MCM2: variants seen among roughly 807,000 people sequenced by gnomAD.
MCM2 encodes the protein DNA replication licensing factor MCM2.
A neutral mutation model predicts 86.4 loss-of-function variants in MCM2; 49 were observed. The ratio of observed to expected loss-of-function variants is 0.57; its 90% CI spans 0.45 to 0.72. The LOEUF (loss-of-function observed/expected upper bound fraction) is 0.72. MCM2 is among the 30% of genes least tolerant of loss of function. MCM2 has a pLI of 0.00. For missense variants in MCM2, 1,038 were observed against 1,259.9 expected (o/e 0.82, Z 2.67); for synonymous variants, 475 against 484.6 (o/e 0.98, Z 0.26).
At chr3:127,619,325 G>A (rs1259134720) in intron 13 of MCM2, 47 bp downstream of exon 13, 17 of 1,586,596 alleles carry the variant, frequency 1.1e-5, no homozygotes, top group African/African-American at 2.7e-5. Flanking sequence ...AGAAGGAAGT[G>A]CAGTGTGAGC....
At chr3:127,603,245 C>T (rs539797842) in intron 2 of MCM2, among the ~76,000 whole-genome samples, 5 of 152,198 alleles carry the variant, frequency 3.3e-5, no homozygotes, top group Admixed American at 1.3e-4. Context: ...GTGATCCGCC[C>T]GCCTCAGCCT....
At chr3:127,608,284 A>G (rs554098460) in intron 6 of MCM2, 98 bp from the exon 7 acceptor site, 1 of 1,487,874 alleles carries the variant, frequency 6.7e-7, no homozygotes, top group South Asian at 1.3e-5. Flanking sequence ...TTTGCCACTC[A>G]GGAGTCGGAA....
intron 9 of MCM2, 62 bp from the exon 10 acceptor site, chr3:127,616,806 C>T: frequency 6.4e-7 from 1 of 1,559,842 alleles, no homozygotes; most frequent in East Asian, 2.3e-5. Context: ...GGGGATGCAA[C>T]TGTGCCCTCC....
At chr3:127,612,572 G>A (rs180756554) in intron 8 of MCM2, among the ~76,000 whole-genome samples, 1 of 152,350 alleles carries the variant, frequency 6.6e-6, no homozygotes, top group East Asian at 1.9e-4. Flanking sequence ...AAGAGCCTGT[G>A]ACAGGCGTGT....
chr3:127,619,643 C>T (rs2074461407), intron 13 of MCM2, among the ~76,000 whole-genome samples: 1 of 152,106 alleles, frequency 6.6e-6, no homozygotes, highest in Admixed American at 6.5e-5. Context: ...CGCACCACTG[C>T]ACTCCAGCCT....
In MCM2 at chr3:127,608,897, C is replaced by G; in HGVS notation, c.1302C>G (p.Val434=). Reference sequence around the variant, plus strand: ...TCAACACTGCCAATGGCTTCCCTGTCTTTGCCACTGTCATCCTAGCCAACC... The same window carrying G: ...TCAACACTGCCAATGGCTTCCCTGTGTTTGCCACTGTCATCCTAGCCAACC... ...GSLNTANGFP[V]FATVILANHV... The change falls in exon 8 of 16, where the codon GTC becomes GTG. Residue 434 remains valine (V), a synonymous_variant. Transcript: ENST00000265056. 6.2e-7 allele frequency: 1 copy of G among 1,614,182 alleles called. No homozygotes were observed. Among genetic ancestry groups the G allele is most frequent in the Non-Finnish European group, 8.5e-7 (1 of 1,180,032 alleles).
At position 127,618,211 on chromosome 3, in the gene MCM2, T is replaced by C; in HGVS notation, c.2013+130T>C. 1.4e-6 allele frequency: 1 copy of C among 702,818 alleles called. No homozygotes were observed. Among genetic ancestry groups the C allele is most frequent in the Non-Finnish European group, 2.5e-6 (1 of 394,000 alleles). The allele number at this position is 702,818 out of a possible 1,614,324, so 43.5% of individuals were successfully genotyped here. ...GCCATAGGCTGTTTTCTAGTCCTGT[T>C]CCCTCGGTCTCTTCTCATGTCCAGA... On this transcript the variant is annotated intron_variant, in intron 12 of 15. Transcript: ENST00000265056. The surrounding 1 kb of genome is among the most constrained non-coding windows in gnomAD (Gnocchi z 4.0).
intron 2 of MCM2, among the ~76,000 whole-genome samples, chr3:127,601,611 G>C (rs13077128): frequency 0.049 from 7,427 of 152,158 alleles, 236 homozygotes; most frequent in Middle Eastern, 0.099. Context: ...GGTGATCCAC[G>C]TGCTTCAGCC....
In MCM2 at chr3:127,620,686, G is replaced by A; in HGVS notation, c.2266-12G>A. 1.3e-6 allele frequency: 2 copies of A among 1,577,812 alleles called. No individual in the cohort carries two copies. Among genetic ancestry groups the A allele is most frequent in the Non-Finnish European group, 1.7e-6 (2 of 1,157,072 alleles). On this transcript the variant is annotated splice_polypyrimidine_tract_variant and intron_variant, in intron 13 of 15. Transcript: ENST00000265056. ...CTGCCCGTGAAAGACCTGACACTGTGCTTCTCTCCAGGCGACAGGCAGCAT... is the reference window on the plus strand; with the variant it reads ...CTGCCCGTGAAAGACCTGACACTGTACTTCTCTCCAGGCGACAGGCAGCAT...
At position 127,620,873 on chromosome 3, in the gene MCM2, T is replaced by C. The variant is rs1487871177; in HGVS notation, c.2441T>C (p.Met814Thr). The C allele has an allele frequency of 2.5e-6, 4 of 1,603,890 alleles. No homozygotes were observed. Among genetic ancestry groups the C allele is most frequent in the Non-Finnish European group, 8.5e-7 (1 of 1,173,088 alleles). ...CAGAAGTTCAGCGTCATGCGCAGCA[T>C]GCGCAAGGTGGGTGTGCTCCGAGGT... ...DTQKFSVMRS[M>T]RKTFARYLSF... Residue 814 changes from methionine (M) to threonine (T), a missense_variant, in exon 14 of 16, where the codon ATG becomes ACG. By Grantham distance (81) the Met-to-Thr change is moderately conservative. Transcript: ENST00000265056.
At chr3:127,603,744 C>T (rs1170874193) in intron 2 of MCM2, among the ~76,000 whole-genome samples, 1 of 152,184 alleles carries the variant, frequency 6.6e-6, no homozygotes, top group African/African-American at 2.4e-5. Flanking sequence ...TCACTGCAAC[C>T]TCTGCCTCCC....
chr3:127,607,604 A>G (rs1319727259), intron 6 of MCM2, among the ~76,000 whole-genome samples: 1 of 152,158 alleles, frequency 6.6e-6, no homozygotes, highest in Non-Finnish European at 1.5e-5. Flanking sequence ...CACTCTTCCC[A>G]TGCCCTGTCT....
rs560066309 is a variant in MCM2 at position 127,606,919 on chromosome 3, G to T, written c.1101+102G>T. On this transcript the variant is annotated intron_variant, in intron 6 of 15. Coordinates refer to ENST00000265056, the MANE Select transcript of MCM2 (RefSeq NM_004526.4). The surrounding 1 kb of genome is among the most constrained non-coding windows in gnomAD (Gnocchi z 4.2). ...CTGTGGAAGACCAGTGTGGGCAGCC[G>T]CAAGAAGCAAGATAGAATTGTGTGT... The T allele has an allele frequency of 4.5e-6, 5 of 1,112,578 alleles. No homozygotes were observed. Among genetic ancestry groups the T allele is most frequent in the African/African-American group, 1.5e-5 (1 of 65,014 alleles). The allele number at this position is 1,112,578 out of a possible 1,614,324, so 68.9% of individuals were successfully genotyped here.
intron 4 of MCM2, among the ~76,000 whole-genome samples, chr3:127,605,603 A>C (rs1356183991): frequency 6.6e-6 from 1 of 150,568 alleles, no homozygotes; most frequent in East Asian, 1.9e-4. Flanking sequence ...ACCATGCCTG[A>C]CTAATTTTTT....
At position 127,617,146 on chromosome 3, in the gene MCM2, G is replaced by A; in HGVS notation, c.1773+28G>A. 1 of 1,609,168 alleles carries A rather than the reference G, an allele frequency of 6.2e-7. No homozygotes were observed. The highest frequency in any genetic ancestry group is 8.5e-7 in the Non-Finnish European group (1 of 1,176,658). On this transcript the variant is annotated intron_variant, in intron 10 of 15. Coordinates refer to ENST00000265056, the MANE Select transcript of MCM2 (RefSeq NM_004526.4). The surrounding 1 kb of genome is among the most constrained non-coding windows in gnomAD (Gnocchi z 4.1). Reference sequence around the variant, plus strand: ...GGGTCCCTGGGTCACGGAGGCTGGTGGAACTCAGGGGGTGTGTGTGGGCTT... The same window carrying A: ...GGGTCCCTGGGTCACGGAGGCTGGTAGAACTCAGGGGGTGTGTGTGGGCTT...
In MCM2 at chr3:127,606,090, ACT is replaced by A. The variant is rs2074345315; in HGVS notation, c.674-23_674-22del. The A allele has an allele frequency of 3.2e-6, 5 of 1,580,872 alleles. No homozygotes were observed. The East Asian group carries it at 6.7e-5, about 21-fold the overall frequency. ...CCAGCCCAGGCCTCATGCTTAGTTA[ACT>A]CTCTTCCCACTGTGCCCCCTTCTAG... On this transcript the variant is annotated intron_variant, in intron 4 of 15. Coordinates refer to ENST00000265056, the MANE Select transcript of MCM2 (RefSeq NM_004526.4). The surrounding 1 kb of genome is among the most constrained non-coding windows in gnomAD (Gnocchi z 4.2).
rs1207593703 is a variant in MCM2 at position 127,599,332 on chromosome 3, C to T, written c.21C>T (p.Ser7=). Residue 7 remains serine, a synonymous_variant, in exon 2 of 16, where the codon TCC becomes TCT. Transcript: ENST00000265056. ...TTCTCTTGCAGGAATCATCGGAATC[C>T]TTCACCATGGCATCCAGCCCGGCCC... MAESSE[S]FTMASSPAQR... is the part of the protein sequence containing the mutation. 4 of 1,614,026 alleles carry T rather than the reference C, an allele frequency of 2.5e-6. No individual in the cohort carries two copies. The highest frequency in any genetic ancestry group is 3.3e-5 in the Admixed American group (2 of 60,014).
Position 127,605,263 on chromosome 3 carries a change from G to A in MCM2, c.673+107G>A, listed in dbSNP as rs1284705477. ...CACGTGAAGCACAGGGCATATGGCT[G>A]AGAGGTCTGTCAGAGAAACCAAAAG... is the stretch of plus-strand genomic sequence containing the variant. On this transcript the variant is annotated intron_variant, in intron 4 of 15. Transcript: ENST00000265056. 6 of 1,433,360 alleles carry A rather than the reference G, an allele frequency of 4.2e-6. No homozygotes were observed. The South Asian group carries it at 5.3e-5, about 13-fold the overall frequency. 88.8% of individuals were successfully genotyped at this position (1,433,360 alleles called of 1,614,324 possible).
chr3:127,598,427 TG>T lies in MCM2; in HGVS notation c.-38del. On this transcript the variant is annotated 5_prime_UTR_variant, in exon 1 of 16. Transcript: ENST00000265056. Reference sequence around the variant, plus strand: ...CGTGAACCACTTTTCGCGCGAAACCTGGTTGTTGCTGTAGTGGCGGAGAGGA... The same window carrying T: ...CGTGAACCACTTTTCGCGCGAAACCTGTTGTTGCTGTAGTGGCGGAGAGGA... 1 of 1,613,312 alleles carries T rather than the reference TG, an allele frequency of 6.2e-7. No individual in the cohort carries two copies. Among genetic ancestry groups the T allele is most frequent in the Non-Finnish European group, 8.5e-7 (1 of 1,179,494 alleles).
Sources: gnomAD v4.1 joint callset for allele counts (sites outside exome capture counted in the v4.1 genomes callset) on GRCh38, gnomAD v4.1.1 for gene constraint, Gnocchi (gnomAD v3.1) non-coding constraint, MANE v1.5 for transcripts, NCBI Gene and HGNC (gene_info 2026-07-23, HGNC 2026-07-21) for gene names.